DIP2B: variants seen among roughly 807,000 people sequenced by gnomAD.
DIP2B encodes the protein disco-interacting protein 2 homolog B.
A neutral mutation model predicts 198.0 loss-of-function variants in DIP2B; 76 were observed. The observed-to-expected ratio is 0.38, with a 90% CI of 0.32 to 0.46. The LOEUF is 0.46. Ranked by LOEUF, DIP2B falls within the 20% of genes least tolerant of loss-of-function variation. DIP2B has a pLI of 0.99. For synonymous variants in DIP2B, 701 were observed against 739.1 expected, an observed-to-expected ratio of 0.95 and a Z score of 0.84; for missense variants, 1,559 against 1,978.4, an observed-to-expected ratio of 0.79 and a Z score of 4.02.
At position 50,599,488 on chromosome 12, in the gene DIP2B, A is replaced by G. The variant is rs186163585; in HGVS notation, c.101-26488A>G. On this transcript the variant is annotated intron_variant, in intron 1 of 37. Coordinates refer to ENST00000301180, the MANE Select transcript of DIP2B (RefSeq NM_173602.3). ...AAAAATTAGGTGGGTGTGGTAGTGC[A>G]TGCCTGTTATCCCAGCTACTTGAAA... Among the ~76,000 whole-genome samples the G allele has an allele frequency of 8.0e-3, 1,221 of 151,972 alleles. 8 individuals are homozygous for G. Among genetic ancestry groups the G allele is most frequent in the Non-Finnish European group, 0.014 (924 of 67,950 alleles).
At chr12:50,595,599 C>T (rs1958871700) in intron 1 of DIP2B, among the ~76,000 whole-genome samples, 1 of 152,132 alleles carries the variant, frequency 6.6e-6, no homozygotes. Context: ...GCCACTGAGC[C>T]CAGCCAGTTT....
intron 1 of DIP2B, among the ~76,000 whole-genome samples, chr12:50,620,509 T>A (rs1019023958): frequency 2.0e-5 from 3 of 152,146 alleles, no homozygotes; most frequent in South Asian, 2.1e-4. Flanking sequence ...ATTCTCTTGT[T>A]GGTTTAGGTC....
intron 1 of DIP2B, among the ~76,000 whole-genome samples, chr12:50,534,247 A>G (rs781502121): frequency 5.9e-5 from 9 of 152,256 alleles, no homozygotes; most frequent in Admixed American, 3.9e-4. Flanking sequence ...ATTTTCATGG[A>G]GAACCAAGTT....
chr12:50,690,138 G>C (rs1456522692), intron 12 of DIP2B, among the ~76,000 whole-genome samples: 1 of 150,888 alleles, frequency 6.6e-6, no homozygotes, highest in African/African-American at 2.4e-5. Flanking sequence ...CCAGGCTGGA[G>C]TGCAGTGGTG....
At chr12:50,689,796 G>C (rs576170019) in intron 12 of DIP2B, among the ~76,000 whole-genome samples, 1 of 152,094 alleles carries the variant, frequency 6.6e-6, no homozygotes, top group Admixed American at 6.6e-5. Context: ...AAGAGATAAG[G>C]GTGGAGAATA....
chr12:50,701,036 C>A (rs1401762667), intron 19 of DIP2B, among the ~76,000 whole-genome samples: 2 of 152,102 alleles, frequency 1.3e-5, no homozygotes, highest in Admixed American at 1.3e-4. Context: ...CTTTTCCTTA[C>A]TAAAAACAAG....
chr12:50,529,102 T>C (rs989523661), intron 1 of DIP2B, among the ~76,000 whole-genome samples: 6 of 152,158 alleles, frequency 3.9e-5, no homozygotes, highest in African/African-American at 1.4e-4. Context: ...CTTATAGTTA[T>C]TTTGGGGGAA....
At chr12:50,687,798 TAGATGACG>T (rs1438841075) in intron 12 of DIP2B, among the ~76,000 whole-genome samples, 2 of 151,510 alleles carry the variant, frequency 1.3e-5, no homozygotes, top group African/African-American at 2.4e-5. Context: ...GCTTAAAACC[TAGATGACG>T]AGTTGATAGG....
chr12:50,706,505 T>C, intron 20 of DIP2B, 33 bp from the exon 21 acceptor site: 1 of 1,607,792 alleles, frequency 6.2e-7, no homozygotes, highest in South Asian at 1.1e-5. Context: ...ATTTAAATCA[T>C]GGAAATCAAG....
At chr12:50,744,387 T>C in intron 37 of DIP2B, among the ~76,000 whole-genome samples, 200 bp from the exon 38 acceptor site, 1 of 152,206 alleles carries the variant, frequency 6.6e-6, no homozygotes, top group Middle Eastern at 3.4e-3. Flanking sequence ...CTCTCATATA[T>C]ATATATATTC....
intron 1 of DIP2B, among the ~76,000 whole-genome samples, chr12:50,512,823 T>A (rs893106965): frequency 7.2e-5 from 11 of 152,176 alleles, no homozygotes; most frequent in Non-Finnish European, 1.5e-4. Context: ...CTGGGCAACA[T>A]GGTGAAACCC....
intron 8 of DIP2B, 193 bp downstream of exon 8, chr12:50,679,069 C>A: frequency 1.6e-6 from 1 of 624,990 alleles, no homozygotes; most frequent in Non-Finnish European, 2.7e-6. Flanking sequence ...CATTTGCAAG[C>A]CAGCTAATAT....
intron 1 of DIP2B, among the ~76,000 whole-genome samples, chr12:50,547,804 C>T (rs1332223637): frequency 6.6e-6 from 1 of 152,126 alleles, no homozygotes; most frequent in Non-Finnish European, 1.5e-5. Flanking sequence ...TATAGTGGCT[C>T]ATGCCTGTAA....
intron 1 of DIP2B, among the ~76,000 whole-genome samples, chr12:50,529,783 C>T (rs919127393): frequency 2.6e-5 from 4 of 151,424 alleles, no homozygotes; most frequent in African/African-American, 7.3e-5. Flanking sequence ...CGCTTGACCC[C>T]GGGAGGCAGA....
At chr12:50,607,215 C>T (rs1279505359) in intron 1 of DIP2B, among the ~76,000 whole-genome samples, 1 of 151,646 alleles carries the variant, frequency 6.6e-6, no homozygotes, top group African/African-American at 2.4e-5. Flanking sequence ...CTGTTGGGAG[C>T]TTTGCGTAGA....
intron 22 of DIP2B, among the ~76,000 whole-genome samples, chr12:50,710,219 A>G (rs1185120041): frequency 6.6e-6 from 1 of 152,188 alleles, no homozygotes; most frequent in African/African-American, 2.4e-5. Context: ...CGAACGTCAT[A>G]GTAGGCTCAG....
intron 12 of DIP2B, among the ~76,000 whole-genome samples, chr12:50,690,468 T>C (rs1695007287): frequency 6.6e-6 from 1 of 152,152 alleles, no homozygotes; most frequent in Non-Finnish European, 1.5e-5. Flanking sequence ...GGAGGATTGC[T>C]TGAGCCCAGG....
chr12:50,550,756 A>G (rs1022268293), intron 1 of DIP2B, among the ~76,000 whole-genome samples: 2 of 152,180 alleles, frequency 1.3e-5, no homozygotes, highest in Non-Finnish European at 2.9e-5. Flanking sequence ...TGCGGACATA[A>G]ATCTTAAAGC....
At chr12:50,620,141 C>T (rs115623331) in intron 1 of DIP2B, among the ~76,000 whole-genome samples, 2 of 152,204 alleles carry the variant, frequency 1.3e-5, no homozygotes, top group Non-Finnish European at 2.9e-5. Flanking sequence ...CCCTTGAGCT[C>T]TTCACCACAG....
Sources: allele counts gnomAD v4.1 joint callset (sites outside exome capture counted in the v4.1 genomes callset), GRCh38; gene constraint gnomAD v4.1.1; transcripts MANE v1.5; gene names NCBI Gene and HGNC (gene_info 2026-07-23, HGNC 2026-07-21).